Variants in CASTOR2 observed in about 807,000 individuals in gnomAD.
CASTOR2 encodes the protein GATS protein like 2.
CASTOR2 carries 8 observed loss-of-function variants against 31.2 expected under a neutral mutation model. The observed-to-expected ratio is 0.26, with a 90% CI of 0.15 to 0.46. The LOEUF is 0.46. Ranked by LOEUF, CASTOR2 falls within the 20% of genes least tolerant of loss-of-function variation. The pLI is 0.99. For synonymous variants in CASTOR2, 162 were observed against 158.7 expected (o/e 1.02, Z -0.16); for missense variants, 216 against 382.1 (o/e 0.57, Z 3.62).
At chr7:75,020,419 C>G (rs1358585365) in intron 6 of CASTOR2, among the ~76,000 whole-genome samples, 1 of 151,240 alleles carries the variant, frequency 6.6e-6, no homozygotes, top group Non-Finnish European at 1.5e-5. Context: ...TTAGTAAAGA[C>G]AGGGTTTTGC....
chr7:75,026,189 G>GGTTTTTTTTTTTTT lies in CASTOR2; in HGVS notation c.*1490_*1491insGTTTTTTTTTTTTT, dbSNP rs1554440884. On this transcript the variant is annotated 3_prime_UTR_variant, in exon 9 of 9. Coordinates refer to ENST00000616305, the MANE Select transcript of CASTOR2 (RefSeq NM_001145064.3). ...CCCTGTGGTTTTGGCTCTGGCGGGG[G>GGTTTTTTTTTTTTT]TTTTTTTTTTTTTTTTTGAGATGGG... 2.5e-5 allele frequency among the ~76,000 whole-genome samples: 3 copies of GGTTTTTTTTTTTTT among 117,744 alleles called. No homozygotes were observed. The highest frequency in any genetic ancestry group is 6.5e-5 in the African/African-American group (2 of 30,772). The allele number at this position is 117,744 out of a possible 152,430, so 77.2% of individuals were successfully genotyped here.
intron 1 of CASTOR2, among the ~76,000 whole-genome samples, chr7:74,988,162 T>G (rs1181767345): frequency 2.0e-5 from 3 of 151,496 alleles, no homozygotes; most frequent in Non-Finnish European, 4.4e-5. Context: ...CGGAGTCTGG[T>G]TCTGTCACCC....
chr7:75,003,984 C>T (rs1339106048), intron 1 of CASTOR2, among the ~76,000 whole-genome samples: 1 of 152,188 alleles, frequency 6.6e-6, no homozygotes, highest in Non-Finnish European at 1.5e-5. Context: ...CCGCTGTTGC[C>T]TTCTGCTGGT....
intron 4 of CASTOR2, 90 bp downstream of exon 4, chr7:75,018,212 T>C (rs1804910878): frequency 3.2e-6 from 5 of 1,553,400 alleles, no homozygotes; most frequent in Non-Finnish European, 3.5e-6. Context: ...CACGGGCTTC[T>C]GCCCACTGAG....
At chr7:75,000,317 G>A (rs1804463696) in intron 1 of CASTOR2, among the ~76,000 whole-genome samples, 1 of 152,144 alleles carries the variant, frequency 6.6e-6, no homozygotes, top group Admixed American at 6.6e-5. Flanking sequence ...GCAGGGGCAG[G>A]GGTGGGCGGT....
In CASTOR2 at chr7:75,017,976, C is replaced by T; in HGVS notation, c.379-14C>T. 4 of 1,614,226 alleles carry T rather than the reference C, an allele frequency of 2.5e-6. No individual in the cohort carries two copies. The highest frequency in any genetic ancestry group is 1.1e-5 in the South Asian group (1 of 91,090). ...GGCCACCAGGCACACACGGCCTCAA[C>T]TTCTTGCCCCTAGGTGCGCGAGCGG... On this transcript the variant is annotated splice_polypyrimidine_tract_variant and intron_variant, in intron 3 of 8. Coordinates refer to ENST00000616305, the MANE Select transcript of CASTOR2 (RefSeq NM_001145064.3).
intron 1 of CASTOR2, among the ~76,000 whole-genome samples, chr7:74,995,919 A>G (rs1255375241): frequency 1.2e-3 from 186 of 152,174 alleles, no homozygotes; most frequent in Admixed American, 0.01. Context: ...AGGCTGCTGC[A>G]GTGAGCTATG....
At chr7:74,994,774 A>G (rs1804299963) in intron 1 of CASTOR2, among the ~76,000 whole-genome samples, 5 of 151,882 alleles carry the variant, frequency 3.3e-5, no homozygotes, top group African/African-American at 1.2e-4. Flanking sequence ...GAATCAACCA[A>G]GGTGGTTGAA....
chr7:74,972,741 G>A (rs1489380787), intron 1 of CASTOR2, among the ~76,000 whole-genome samples: 5 of 150,228 alleles, frequency 3.3e-5, no homozygotes, highest in Non-Finnish European at 4.4e-5. Context: ...GTGCAATGGC[G>A]CAATCTCGGC....
chr7:74,999,308 C>T (rs1257846694), intron 1 of CASTOR2, among the ~76,000 whole-genome samples: 2 of 152,148 alleles, frequency 1.3e-5, no homozygotes, highest in Non-Finnish European at 2.9e-5. Context: ...CCGCGCCCGA[C>T]CTTATTTTCT....
Position 75,029,029 on chromosome 7 carries a change from A to C in CASTOR2, c.*4330A>C, listed in dbSNP as rs1028228197. 6.6e-6 allele frequency among the ~76,000 whole-genome samples: 1 copy of C among 152,240 alleles called. No individual in the cohort carries two copies. The highest frequency in any genetic ancestry group is 1.5e-5 in the Non-Finnish European group (1 of 68,036). On this transcript the variant is annotated 3_prime_UTR_variant, in exon 9 of 9. Coordinates refer to ENST00000616305, the MANE Select transcript of CASTOR2 (RefSeq NM_001145064.3). ...GTAGCCAGGGTGACATTTGTTCAGC[A>C]GGAGGAGGCTTGGTCTGGAGGGGCT...
intron 1 of CASTOR2, among the ~76,000 whole-genome samples, chr7:74,991,814 CA>C (rs1419643118): frequency 1.3e-5 from 2 of 151,996 alleles, no homozygotes; most frequent in African/African-American, 4.8e-5. Flanking sequence ...GGGGGCTGGA[CA>C]GAAACAGCCC....
intron 1 of CASTOR2, among the ~76,000 whole-genome samples, chr7:75,002,692 G>T (rs1306304337): frequency 6.6e-6 from 1 of 152,314 alleles, no homozygotes; most frequent in South Asian, 2.1e-4. Context: ...TTGAGGCCAG[G>T]AGTGGAAGAG....
chr7:75,010,517 C>T (rs1804714983), intron 2 of CASTOR2, among the ~76,000 whole-genome samples: 1 of 152,154 alleles, frequency 6.6e-6, no homozygotes, highest in African/African-American at 2.4e-5. Context: ...TCCTTGGGCC[C>T]AGGCTGAGAC....
chr7:74,997,513 A>T (rs1804380472), intron 1 of CASTOR2, among the ~76,000 whole-genome samples: 1 of 151,358 alleles, frequency 6.6e-6, no homozygotes. Flanking sequence ...GCAGCCTCGA[A>T]CTCCCAGGTT....
At chr7:74,974,761 CT>C (rs1803761600) in intron 1 of CASTOR2, among the ~76,000 whole-genome samples, 1 of 131,966 alleles carries the variant, frequency 7.6e-6, no homozygotes, top group Non-Finnish European at 1.6e-5. Flanking sequence ...GGGGTTTTGC[CT>C]TGTTGGCCAG....
chr7:75,012,208 G>A lies in CASTOR2; in HGVS notation c.184+4144G>A, dbSNP rs1443422060. Among the ~76,000 whole-genome samples the A allele has an allele frequency of 2.6e-5, 4 of 152,296 alleles. No homozygotes were observed. The East Asian group carries it at 7.7e-4, about 29-fold the overall frequency. ...GAAGACTCTCAGGGGGCTGTGGCAG[G>A]ATTTGGGGTGGGCCTAGGGGCTGCA... is the stretch of plus-strand genomic sequence containing the variant. On this transcript the variant is annotated intron_variant, in intron 2 of 8. Transcript: ENST00000616305.
chr7:74,983,723 C>A lies in CASTOR2; in HGVS notation c.113+18625C>A, dbSNP rs1230309850. On this transcript the variant is annotated intron_variant, in intron 1 of 8. Transcript: ENST00000616305. ...GTGGGGAATGTCTCCCAACAAGACA[C>A]CTTATCAAGCGCTCTCTCTCCACTC... 6.6e-5 allele frequency among the ~76,000 whole-genome samples: 10 copies of A among 150,662 alleles called. 1 individual carries two copies. The East Asian group carries it at 2.0e-3, about 30-fold the overall frequency.
rs903759870 is a variant in CASTOR2 at position 75,025,203 on chromosome 7, G to A, written c.*504G>A. 5.9e-5 allele frequency among the ~76,000 whole-genome samples: 9 copies of A among 152,214 alleles called. No individual in the cohort carries two copies. The highest frequency in any genetic ancestry group is 1.4e-4 in the African/African-American group (6 of 41,464). On this transcript the variant is annotated 3_prime_UTR_variant, in exon 9 of 9. Transcript: ENST00000616305. ...CCATCAGCTCAGGGCTGGTTCCCTC[G>A]GAGTGGAGGCCAGCGTGGCCCCCTC...
Sources: allele counts gnomAD v4.1 joint callset (sites outside exome capture counted in the v4.1 genomes callset), GRCh38; gene constraint gnomAD v4.1.1; transcripts MANE v1.5; gene names NCBI Gene and HGNC (gene_info 2026-07-23, HGNC 2026-07-21).